SHANK2: variants seen among roughly 807,000 people sequenced by gnomAD.
SHANK2 encodes SH3 and multiple ankyrin repeat domains protein 2.
A neutral mutation model predicts 133.7 loss-of-function variants in SHANK2; 43 were observed. The ratio of observed to expected loss-of-function variants is 0.32; its 90% CI spans 0.25 to 0.41. The LOEUF (loss-of-function observed/expected upper bound fraction) is 0.41. Among genes scored for constraint, SHANK2 ranks in the 10% least tolerant of loss-of-function variants. The pLI, the probability that SHANK2 is intolerant of heterozygous loss-of-function variation, is 1.00. For synonymous variants in SHANK2, 1,017 were observed against 952.8 expected, an observed-to-expected ratio of 1.07 and a Z score of -1.24; for missense variants, 1,994 against 2,235.8, an observed-to-expected ratio of 0.89 and a Z score of 2.18.
At chr11:70,543,389 C>T (rs542440813) in intron 17 of SHANK2, among the ~76,000 whole-genome samples, 159 of 152,136 alleles carry the variant, frequency 1.0e-3, no homozygotes, top group Non-Finnish European at 2.0e-3. Flanking sequence ...TTGGAATTTT[C>T]CGCCCTGCCC....
intron 17 of SHANK2, among the ~76,000 whole-genome samples, chr11:70,641,833 C>T (rs2061187748): frequency 1.3e-5 from 2 of 152,208 alleles, no homozygotes; most frequent in African/African-American, 2.4e-5. Context: ...TGCAGTTCTA[C>T]AAAGCACACC....
chr11:70,885,270 G>A (rs368230979), intron 11 of SHANK2, among the ~76,000 whole-genome samples: 21 of 152,292 alleles, frequency 1.4e-4, no homozygotes, highest in East Asian at 1.4e-3. Context: ...CTGCCCTTCC[G>A]TGGGGGATGG....
In SHANK2 at chr11:71,118,844, G is replaced by T. The variant is rs148065633; in HGVS notation, c.396C>A (p.Gly132=). 4.8e-4 allele frequency: 741 copies of T among 1,549,958 alleles called. 1 individual carries two copies. The African/African-American group carries it at 9.4e-3, about 20-fold the overall frequency. The change falls in exon 4 of 26, where the codon GGC becomes GGA. Residue 132 remains glycine (G), a synonymous_variant. Transcript: ENST00000601538. The stretch of plus-strand genomic sequence containing the variant: ...TGAAATATACCTCCAGGGAAGGAAC[G>T]CCCTCACCCACGGGCTGTGGGTACT... ...LREYPQPVGE[G]VPSLEFRYKK...
chr11:71,191,406 G>A (rs1953790726), intron 2 of SHANK2, among the ~76,000 whole-genome samples: 1 of 151,994 alleles, frequency 6.6e-6, no homozygotes, highest in Non-Finnish European at 1.5e-5. Flanking sequence ...AGTCCGCACA[G>A]GGCTGGGTCC....
At chr11:70,676,956 G>A (rs782266925) in intron 15 of SHANK2, among the ~76,000 whole-genome samples, 1 of 152,098 alleles carries the variant, frequency 6.6e-6, no homozygotes, top group Non-Finnish European at 1.5e-5. Flanking sequence ...GGACTCAACC[G>A]GTCTGAATTT....
At chr11:71,131,167 A>G (rs1424926415) in intron 3 of SHANK2, among the ~76,000 whole-genome samples, 1 of 152,194 alleles carries the variant, frequency 6.6e-6, no homozygotes, top group Non-Finnish European at 1.5e-5. Flanking sequence ...CCAAACTACA[A>G]TTGGTTTATT....
intron 14 of SHANK2, among the ~76,000 whole-genome samples, chr11:70,781,518 C>T (rs1316501721): frequency 7.8e-6 from 1 of 128,678 alleles, no homozygotes; most frequent in Non-Finnish European, 1.6e-5. Flanking sequence ...GTCATTCCTA[C>T]ACATTTATTT....
chr11:70,542,405 G>A (rs2059634174), intron 17 of SHANK2, among the ~76,000 whole-genome samples: 1 of 152,194 alleles, frequency 6.6e-6, no homozygotes, highest in Non-Finnish European at 1.5e-5. Context: ...AGAGCTGGAG[G>A]AGGCAAGGAA....
intron 2 of SHANK2, among the ~76,000 whole-genome samples, chr11:71,200,219 C>T (rs1555116862): frequency 6.6e-6 from 1 of 152,182 alleles, no homozygotes; most frequent in Non-Finnish European, 1.5e-5. Flanking sequence ...TCACATCATA[C>T]GTGGCCTCTG....
At chr11:71,104,164 C>T (rs1951767731) in intron 6 of SHANK2, among the ~76,000 whole-genome samples, 1 of 152,088 alleles carries the variant, frequency 6.6e-6, no homozygotes, top group African/African-American at 2.4e-5. Context: ...CTAACGCTCA[C>T]ATTTTCCCGG....
chr11:71,182,132 T>A (rs7943132), intron 2 of SHANK2, among the ~76,000 whole-genome samples: 71,066 of 151,442 alleles, frequency 0.47, 17,445 homozygotes, highest in African/African-American at 0.6. Flanking sequence ...CAAGGCAGCA[T>A]CTTCTTTAGG....
chr11:70,840,225 A>G, intron 11 of SHANK2, among the ~76,000 whole-genome samples: 1 of 151,782 alleles, frequency 6.6e-6, no homozygotes, highest in East Asian at 1.9e-4. Flanking sequence ...AGGTGTCCCG[A>G]CTCCTGGACA....
intron 1 of SHANK2, among the ~76,000 whole-genome samples, chr11:71,248,335 G>T (rs1448444336): frequency 6.6e-6 from 1 of 152,238 alleles, no homozygotes; most frequent in Non-Finnish European, 1.5e-5. Context: ...TTCACCTGCT[G>T]ACCGCAGCGC....
intron 17 of SHANK2, among the ~76,000 whole-genome samples, chr11:70,645,654 G>A (rs1262854278): frequency 1.3e-5 from 2 of 152,072 alleles, no homozygotes; most frequent in Admixed American, 6.5e-5. Context: ...TGGAGGCAAC[G>A]CCACCTGCCA....
At chr11:70,951,042 T>A in intron 10 of SHANK2, 1 of 277,586 alleles carries the variant, frequency 3.6e-6, no homozygotes, top group Non-Finnish European at 7.0e-6. Flanking sequence ...GGACACTCCC[T>A]TAACTGCAGT....
chr11:70,668,092 G>A (rs1020379419), intron 15 of SHANK2: 2 of 152,204 alleles, frequency 1.3e-5, no homozygotes, highest in East Asian at 3.8e-4. Context: ...ACCAGGCCCA[G>A]TCTGGTCCTT....
intron 11 of SHANK2, among the ~76,000 whole-genome samples, chr11:70,842,977 C>A (rs2135436932): frequency 6.6e-6 from 1 of 152,300 alleles, no homozygotes; most frequent in South Asian, 2.1e-4. Flanking sequence ...CAGTGTCATA[C>A]CCCTAACACA....
At chr11:70,634,923 A>G (rs1555003406) in intron 17 of SHANK2, 1 of 152,250 alleles carries the variant, frequency 6.6e-6, no homozygotes. Flanking sequence ...GAAGAGATAC[A>G]AATGGCTGAT....
intron 8 of SHANK2, among the ~76,000 whole-genome samples, chr11:71,079,905 GGGA>G (rs1590889403): frequency 0.013 from 1,228 of 95,136 alleles, 5 homozygotes; most frequent in East Asian, 0.05. Flanking sequence ...GGAAGGGGAG[GGGA>G]GGGGAAGGAA....
Sources: allele counts gnomAD v4.1 joint callset (sites outside exome capture counted in the v4.1 genomes callset), GRCh38; gene constraint gnomAD v4.1.1; transcripts MANE v1.5; gene names NCBI Gene and HGNC (gene_info 2026-07-23, HGNC 2026-07-21).